EPC1: variants seen among roughly 807,000 people sequenced by gnomAD.
EPC1 encodes enhancer of polycomb 1.
A neutral mutation model predicts 98.4 loss-of-function variants in EPC1; 12 were observed. The ratio of observed to expected loss-of-function variants is 0.12; its 90% CI spans 0.08 to 0.20. The LOEUF is 0.20. Among genes scored for constraint, EPC1 ranks in the 10% least tolerant of loss-of-function variants. The pLI is 1.00. For synonymous variants in EPC1, 357 were observed against 363.9 expected (o/e 0.98, Z 0.21); for missense variants, 729 against 990.5 (o/e 0.74, Z 3.54).
At chr10:32,318,731 G>A (rs1836702907) in intron 1 of EPC1, among the ~76,000 whole-genome samples, 1 of 152,024 alleles carries the variant, frequency 6.6e-6, no homozygotes, top group East Asian at 1.9e-4. Flanking sequence ...TTCCAAATCA[G>A]GCACAGATTT....
At position 32,268,992 on chromosome 10, in the gene EPC1, C is replaced by G; in HGVS notation, c.*71G>C. ...ACGCATGTGCTGCTTTCCATCATCC[C>G]TTGCATTCAAAATGCTACTGATGCA... On this transcript the variant is annotated 3_prime_UTR_variant, in exon 14 of 14. Coordinates refer to ENST00000319778, the MANE Select transcript of EPC1 (RefSeq NM_001272004.3). 1 of 1,295,862 alleles carries G rather than the reference C, an allele frequency of 7.7e-7. No homozygotes were observed. The highest frequency in any genetic ancestry group is 1.1e-6 in the Non-Finnish European group (1 of 899,832). 80.3% of individuals were successfully genotyped at this position (1,295,862 alleles called of 1,614,324 possible). A position where few individuals can be genotyped will look rare whatever the true frequency, so the allele number is the denominator to read the frequency against.
intron 2 of EPC1, among the ~76,000 whole-genome samples, chr10:32,295,243 C>T (rs75732988): frequency 6.6e-6 from 1 of 151,994 alleles, no homozygotes; most frequent in South Asian, 2.1e-4. Flanking sequence ...AATGTTACGT[C>T]TATTAAAGTG....
At chr10:32,369,237 G>A (rs1839683157) in intron 1 of EPC1, among the ~76,000 whole-genome samples, 1 of 152,096 alleles carries the variant, frequency 6.6e-6, no homozygotes, top group Non-Finnish European at 1.5e-5. Flanking sequence ...CAAATTCAAA[G>A]GTATTTAGAT....
chr10:32,283,466 A>C (rs1375215711), intron 10 of EPC1: 2 of 151,834 alleles, frequency 1.3e-5, no homozygotes, highest in Non-Finnish European at 2.9e-5. Context: ...TCACCACCAC[A>C]CCCAGTGAAT....
intron 10 of EPC1, among the ~76,000 whole-genome samples, chr10:32,274,427 A>G (rs2132646945): frequency 6.6e-6 from 1 of 152,274 alleles, no homozygotes; most frequent in South Asian, 2.1e-4. Context: ...TTTATCCTCC[A>G]GGATATACTT....
intron 2 of EPC1, among the ~76,000 whole-genome samples, chr10:32,298,704 T>C (rs1481018320): frequency 6.6e-6 from 1 of 152,182 alleles, no homozygotes; most frequent in East Asian, 1.9e-4. Flanking sequence ...TTCCAGAATG[T>C]ACTTAGGGAG....
chr10:32,299,742 G>A (rs1183524684), intron 2 of EPC1, among the ~76,000 whole-genome samples: 1 of 152,010 alleles, frequency 6.6e-6, no homozygotes, highest in Non-Finnish European at 1.5e-5. Context: ...TGACAATTTT[G>A]ATCACCAGTC....
At chr10:32,325,114 T>C (rs1837195948) in intron 1 of EPC1, among the ~76,000 whole-genome samples, 1 of 152,256 alleles carries the variant, frequency 6.6e-6, no homozygotes, top group Non-Finnish European at 1.5e-5. Flanking sequence ...CAATTCTCAC[T>C]GTAGAACTTA....
intron 9 of EPC1, chr10:32,285,342 A>C (rs1440878589): frequency 3.6e-6 from 1 of 280,870 alleles, no homozygotes; most frequent in Non-Finnish European, 6.6e-6. Flanking sequence ...TTTAAGCAAA[A>C]ACTTCATTCC....
intron 1 of EPC1, among the ~76,000 whole-genome samples, chr10:32,329,106 A>G (rs765985828): frequency 3.3e-5 from 5 of 152,038 alleles, no homozygotes; most frequent in Non-Finnish European, 7.4e-5. Context: ...ACAAGATTGT[A>G]CCTCCTGGCT....
chr10:32,343,418 C>G (rs1039759830), intron 1 of EPC1, among the ~76,000 whole-genome samples: 4 of 152,144 alleles, frequency 2.6e-5, no homozygotes, highest in African/African-American at 9.7e-5. Context: ...ACCATGTTGG[C>G]CAGGCTGGTC....
intron 1 of EPC1, among the ~76,000 whole-genome samples, chr10:32,358,569 T>A (rs1226570832): frequency 7.2e-6 from 1 of 139,038 alleles, no homozygotes; most frequent in Non-Finnish European, 1.5e-5. Flanking sequence ...CACTTGAGCC[T>A]AGGAGGTTGA....
At chr10:32,288,143 T>A (rs1436188938) in intron 6 of EPC1, among the ~76,000 whole-genome samples, 1 of 152,158 alleles carries the variant, frequency 6.6e-6, no homozygotes. Context: ...TTGGGAAAAC[T>A]ACGGTTTTCC....
intron 1 of EPC1, chr10:32,378,382 C>A (rs1036921043): frequency 1.1e-5 from 10 of 885,400 alleles, no homozygotes; most frequent in South Asian, 1.8e-5. Flanking sequence ...GAGATCAAAG[C>A]TAAAGAAAAA....
At chr10:32,378,496 G>C (rs1294076522) in exon 1 of EPC1, 1 of 1,546,884 alleles carries the variant, frequency 6.5e-7, no homozygotes, top group African/African-American at 1.4e-5. Context: ...CTTACCATTA[G>C]TGCAGGCAAA....
chr10:32,278,870 A>G (rs1290693224), intron 10 of EPC1, among the ~76,000 whole-genome samples: 1 of 152,210 alleles, frequency 6.6e-6, no homozygotes, highest in Non-Finnish European at 1.5e-5. Context: ...TTGGCAAACT[A>G]TGACCAGACC....
chr10:32,347,282 C>G (rs975113227), upstream of EPC1: 145 of 933,184 alleles, frequency 1.6e-4, 1 homozygote, highest in South Asian at 6.7e-3. Context: ...CCCGCCAACC[C>G]CCGGCACCCG....
chr10:32,295,747 G>C (rs1046191964), intron 2 of EPC1, among the ~76,000 whole-genome samples: 2 of 152,120 alleles, frequency 1.3e-5, no homozygotes, highest in Non-Finnish European at 2.9e-5. Flanking sequence ...TTAAAATTCA[G>C]TTCCTCAGTC....
intron 1 of EPC1, among the ~76,000 whole-genome samples, chr10:32,316,444 G>A (rs1393742604): frequency 6.6e-6 from 1 of 152,142 alleles, no homozygotes; most frequent in Non-Finnish European, 1.5e-5. Context: ...TAGGACAGAT[G>A]AACAAACTGT....
Sources: gnomAD v4.1 joint callset for allele counts (sites outside exome capture counted in the v4.1 genomes callset) on GRCh38, gnomAD v4.1.1 for gene constraint, MANE v1.5 for transcripts, NCBI Gene and HGNC (gene_info 2026-07-23, HGNC 2026-07-21) for gene names.